CTNND2: variants seen among roughly 807,000 people sequenced by gnomAD.
CTNND2 encodes catenin delta 2, also known as catenin delta-2.
CTNND2 carries 22 observed loss-of-function variants against 144.4 expected under a neutral mutation model. That is an observed-to-expected ratio of 0.15 (90% CI 0.11 to 0.22). The LOEUF (loss-of-function observed/expected upper bound fraction) is 0.22, where lower values mean the gene tolerates loss of function less well. CTNND2 is among the 10% of genes least tolerant of loss of function. The probability of loss-of-function intolerance (pLI) is 1.00; values close to 1 mark genes in which losing one functional copy is unlikely to be tolerated. For synonymous variants in CTNND2, 751 were observed against 695.6 expected, an observed-to-expected ratio of 1.08 and a Z score of -1.25; for missense variants, 1,353 against 1,618.8, an observed-to-expected ratio of 0.84 and a Z score of 2.82.
At chr5:10,986,994 G>A (rs905703007) in intron 20 of CTNND2, among the ~76,000 whole-genome samples, 2 of 152,230 alleles carry the variant, frequency 1.3e-5, no homozygotes, top group Non-Finnish European at 2.9e-5. Flanking sequence ...GGGTCTCAGT[G>A]TCTGCACGGC....
At chr5:11,387,630 C>A (rs1054731470) in intron 6 of CTNND2, among the ~76,000 whole-genome samples, 3 of 152,154 alleles carry the variant, frequency 2.0e-5, no homozygotes, top group Non-Finnish European at 4.4e-5. Context: ...ACCCTTCCCA[C>A]AGGAACAAAA....
chr5:11,769,542 A>G (rs1789797834), intron 1 of CTNND2, among the ~76,000 whole-genome samples: 1 of 152,214 alleles, frequency 6.6e-6, no homozygotes, highest in Non-Finnish European at 1.5e-5. Flanking sequence ...GAGCTTAAAA[A>G]TGGCAATTTA....
intron 9 of CTNND2, among the ~76,000 whole-genome samples, chr5:11,285,008 T>C (rs1439171577): frequency 6.6e-6 from 1 of 152,246 alleles, no homozygotes. Context: ...TTCTTCTCAA[T>C]GAGAGCTCAA....
chr5:11,009,301 T>C (rs1044142617), intron 18 of CTNND2, among the ~76,000 whole-genome samples: 1 of 152,208 alleles, frequency 6.6e-6, no homozygotes, highest in East Asian at 1.9e-4. Flanking sequence ...ATAACCAAGA[T>C]GGTCAGGTTC....
chr5:11,410,420 C>T (rs986678472), intron 5 of CTNND2, among the ~76,000 whole-genome samples: 2 of 152,036 alleles, frequency 1.3e-5, no homozygotes, highest in African/African-American at 4.8e-5. Context: ...CTTATGTCTT[C>T]CTTTTGCATG....
chr5:11,819,296 T>C (rs1000189392), intron 1 of CTNND2, among the ~76,000 whole-genome samples: 1 of 151,066 alleles, frequency 6.6e-6, no homozygotes. Context: ...TAGCCAGGAG[T>C]GGTGGCGGGA....
At chr5:11,413,644 A>T (rs1761712834) in intron 3 of CTNND2, among the ~76,000 whole-genome samples, 1 of 152,148 alleles carries the variant, frequency 6.6e-6, no homozygotes, top group East Asian at 1.9e-4. Flanking sequence ...GACCTACAAG[A>T]TGAAAAAGTC....
intron 3 of CTNND2, among the ~76,000 whole-genome samples, chr5:11,468,791 C>T (rs1013959433): frequency 8.5e-5 from 13 of 152,098 alleles, no homozygotes; most frequent in Admixed American, 8.5e-4. Flanking sequence ...TGGTGACTCA[C>T]TCATCTTGTC....
chr5:11,288,948 A>G (rs1394638173), intron 9 of CTNND2, among the ~76,000 whole-genome samples: 2 of 152,172 alleles, frequency 1.3e-5, no homozygotes, highest in Non-Finnish European at 2.9e-5. Context: ...ATGCTGTCAA[A>G]TGTGGAAACC....
intron 2 of CTNND2, among the ~76,000 whole-genome samples, chr5:11,666,324 T>C (rs1390596452): frequency 2.6e-5 from 4 of 152,300 alleles, no homozygotes; most frequent in Admixed American, 6.5e-5. Context: ...AGCAGACTTA[T>C]ATCAACCCAG....
At chr5:11,667,377 CCAA>C (rs1014808743) in intron 2 of CTNND2, among the ~76,000 whole-genome samples, 53 of 152,290 alleles carry the variant, frequency 3.5e-4, no homozygotes, top group Non-Finnish European at 5.9e-4. Flanking sequence ...ATTTACACTC[CCAA>C]CAACAGTGTA....
At chr5:11,072,378 T>C (rs902814425) in intron 16 of CTNND2, among the ~76,000 whole-genome samples, 2 of 152,248 alleles carry the variant, frequency 1.3e-5, no homozygotes, top group African/African-American at 4.8e-5. Context: ...TGAAGGCTAT[T>C]ATATGCTTAG....
intron 10 of CTNND2, among the ~76,000 whole-genome samples, chr5:11,223,360 T>A (rs554174562): frequency 3.0e-4 from 45 of 152,312 alleles, no homozygotes; most frequent in African/African-American, 1.0e-3. Flanking sequence ...CCAAGGCAAG[T>A]CACCAGCTCA....
At chr5:11,052,063 A>G (rs952144230) in intron 16 of CTNND2, among the ~76,000 whole-genome samples, 1 of 152,148 alleles carries the variant, frequency 6.6e-6, no homozygotes, top group African/African-American at 2.4e-5. Context: ...GAGAGCAGAG[A>G]GTCCATCATG....
chr5:11,129,479 T>C (rs1469711898), intron 12 of CTNND2, among the ~76,000 whole-genome samples: 1 of 149,142 alleles, frequency 6.7e-6, no homozygotes, highest in African/African-American at 2.5e-5. Context: ...ACTGATGTGA[T>C]GTTGGGATGA....
At chr5:11,641,609 T>C (rs1399302372) in intron 2 of CTNND2, among the ~76,000 whole-genome samples, 1 of 151,222 alleles carries the variant, frequency 6.6e-6, no homozygotes, top group Non-Finnish European at 1.5e-5. Context: ...TGTATATACA[T>C]ATACGTGTGT....
At chr5:11,505,450 T>C (rs149331991) in intron 3 of CTNND2, among the ~76,000 whole-genome samples, 3 of 152,284 alleles carry the variant, frequency 2.0e-5, no homozygotes, top group Admixed American at 6.5e-5. Flanking sequence ...CCGCTTAATG[T>C]TTGCAAGTAA....
intron 1 of CTNND2, among the ~76,000 whole-genome samples, chr5:11,859,379 T>C (rs1341710315): frequency 6.6e-6 from 1 of 152,206 alleles, no homozygotes; most frequent in Non-Finnish European, 1.5e-5. Context: ...CAAAATACAG[T>C]AAATGACAAC....
chr5:11,688,533 C>A (rs1475802192), intron 2 of CTNND2, among the ~76,000 whole-genome samples: 1 of 152,184 alleles, frequency 6.6e-6, no homozygotes, highest in Non-Finnish European at 1.5e-5. Flanking sequence ...GACTATTTTG[C>A]TAAGATTCTT....
Sources: allele counts gnomAD v4.1 joint callset (sites outside exome capture counted in the v4.1 genomes callset), GRCh38; gene constraint gnomAD v4.1.1; transcripts MANE v1.5; gene names NCBI Gene and HGNC (gene_info 2026-07-23, HGNC 2026-07-21).